FANCC: variants seen among roughly 807,000 people sequenced by gnomAD.
The protein encoded by FANCC is Fanconi anemia group C protein.
In FANCC, 55 loss-of-function variants were observed where a neutral mutation model predicts 71.3. That is an observed-to-expected ratio of 0.77 (90% confidence interval 0.62 to 0.97). The LOEUF is 0.97. Ranked by LOEUF, FANCC falls within the 50% of genes least tolerant of loss-of-function variation. FANCC has a pLI of 0.00. For synonymous variants in FANCC, 275 were observed against 244.9 expected (o/e 1.12, Z -1.15); for missense variants, 678 against 670.9 (o/e 1.01, Z -0.12).
At chr9:95,266,117 A>T (rs1351081639) in intron 1 of FANCC, among the ~76,000 whole-genome samples, 1 of 152,188 alleles carries the variant, frequency 6.6e-6, no homozygotes, top group East Asian at 1.9e-4. Context: ...TTACCATTTG[A>T]CCCATGGTTC....
At chr9:95,181,322 G>T (rs1342101572) in intron 4 of FANCC, among the ~76,000 whole-genome samples, 1 of 152,120 alleles carries the variant, frequency 6.6e-6, no homozygotes, top group Non-Finnish European at 1.5e-5. Flanking sequence ...ACAGAGGCCA[G>T]TATATGGTTA....
At chr9:95,219,381 G>GT (rs1829087371) in intron 4 of FANCC, among the ~76,000 whole-genome samples, 1 of 152,296 alleles carries the variant, frequency 6.6e-6, no homozygotes, top group East Asian at 1.9e-4. Flanking sequence ...CCAAAAAAGT[G>GT]TAAGACCTTA....
intron 4 of FANCC, among the ~76,000 whole-genome samples, chr9:95,189,062 G>A (rs1209795969): frequency 1.3e-5 from 2 of 151,932 alleles, no homozygotes; most frequent in Non-Finnish European, 2.9e-5. Flanking sequence ...AATTAAATAC[G>A]CCAATTGCTC....
At chr9:95,150,286 T>C (rs1830106312) in intron 6 of FANCC, among the ~76,000 whole-genome samples, 199 bp from the exon 7 acceptor site, 1 of 152,226 alleles carries the variant, frequency 6.6e-6, no homozygotes, top group African/African-American at 2.4e-5. Flanking sequence ...ACCATTGCTG[T>C]TTCAGTGTCA....
intron 1 of FANCC, among the ~76,000 whole-genome samples, chr9:95,271,488 AGGAATGCCATGCT>A (rs1277551190): frequency 6.6e-6 from 1 of 152,184 alleles, no homozygotes; most frequent in Non-Finnish European, 1.5e-5. Flanking sequence ...CCACAAGCCC[AGGAATGCCATGCT>A]GGCCGCCAGA....
intron 10 of FANCC, among the ~76,000 whole-genome samples, chr9:95,121,297 T>C (rs1156842382): frequency 6.6e-6 from 1 of 152,134 alleles, no homozygotes; most frequent in Non-Finnish European, 1.5e-5. Context: ...GGCATATTGA[T>C]GGAGCTGACT....
chr9:95,125,252 T>C (rs1825799798), intron 9 of FANCC, 67 bp from the exon 10 acceptor site: 3 of 1,278,928 alleles, frequency 2.3e-6, no homozygotes, highest in Non-Finnish European at 3.4e-6. Flanking sequence ...AAACCTGCAC[T>C]GTATAAGGGA....
chr9:95,153,284 T>C (rs966494146), intron 6 of FANCC, among the ~76,000 whole-genome samples: 3 of 152,240 alleles, frequency 2.0e-5, no homozygotes, highest in African/African-American at 7.2e-5. Context: ...ATCTTTGCAA[T>C]TGTTAACTGT....
intron 5 of FANCC, among the ~76,000 whole-genome samples, chr9:95,171,670 G>T (rs1348781273): frequency 6.6e-6 from 1 of 152,078 alleles, no homozygotes; most frequent in East Asian, 1.9e-4. Flanking sequence ...TTTCTGTTTT[G>T]CTTTAACAGA....
chr9:95,227,932 T>A (rs1338400601), intron 4 of FANCC, among the ~76,000 whole-genome samples: 1 of 152,236 alleles, frequency 6.6e-6, no homozygotes, highest in African/African-American at 2.4e-5. Context: ...TTGTTCTTCA[T>A]GTTGCAAACT....
In FANCC at chr9:95,249,322, C is replaced by A; in HGVS notation, c.-31G>T. On this transcript the variant is annotated 5_prime_UTR_variant, in exon 2 of 15. An upstream open reading frame in the 5' UTR gains an earlier in-frame stop. Coordinates refer to ENST00000289081, the MANE Select transcript of FANCC (RefSeq NM_000136.3). ...AAAAAGCGAAAAGGTGATGTCCCTT[C>A]ACAGCAGCCTGTCCAGCACTGAAGG... 3 of 1,609,592 alleles carry A rather than the reference C, an allele frequency of 1.9e-6. No individual in the cohort carries two copies. The highest frequency in any genetic ancestry group is 2.5e-6 in the Non-Finnish European group (3 of 1,176,540).
intron 4 of FANCC, among the ~76,000 whole-genome samples, chr9:95,189,540 T>G (rs1166916640): frequency 6.6e-6 from 1 of 151,770 alleles, no homozygotes; most frequent in Non-Finnish European, 1.5e-5. Context: ...GGGGGGGAAA[T>G]AGAGTAGGCT....
intron 1 of FANCC, among the ~76,000 whole-genome samples, chr9:95,270,973 C>G (rs1179647301): frequency 6.6e-6 from 1 of 152,158 alleles, no homozygotes; most frequent in Non-Finnish European, 1.5e-5. Flanking sequence ...CCCTTCTTAA[C>G]GAGACTGGAA....
At position 95,294,148 on chromosome 9, in the gene FANCC, G is replaced by A. The variant is rs1462887541; in HGVS notation, c.-79+23378C>T. 2.5e-6 allele frequency: 4 copies of A among 1,605,012 alleles called. No individual in the cohort carries two copies. In the African/African-American group the frequency reaches 4.0e-5, roughly 16 times the overall value. ...AAACATCTTGTCAAGTAATCTGCCT[G>A]CTCAGACATTGGATCATCATAGTCT... On this transcript the variant is annotated intron_variant, in intron 1 of 14. Transcript: ENST00000289081.
chr9:95,117,494 C>G, intron 10 of FANCC, 104 bp from the exon 11 acceptor site: 2 of 819,568 alleles, frequency 2.4e-6, no homozygotes, highest in East Asian at 5.3e-5. Context: ...CCCACCAGTA[C>G]TAACATGGTC....
chr9:95,159,149 A>AT (rs1208278064), intron 6 of FANCC, among the ~76,000 whole-genome samples: 1 of 151,886 alleles, frequency 6.6e-6, no homozygotes, highest in Non-Finnish European at 1.5e-5. Flanking sequence ...CATCATTTAC[A>AT]TTGGGTATTT....
In FANCC at chr9:95,101,746, C is replaced by T. The variant is rs1429537932; in HGVS notation, c.1638G>A (p.Leu546=). 1.2e-6 allele frequency: 2 copies of T among 1,614,014 alleles called. No homozygotes were observed. Among genetic ancestry groups the T allele is most frequent in the South Asian group, 2.2e-5 (2 of 91,084 alleles). Residue 546 remains leucine, a synonymous_variant, in exon 15 of 15, where the codon CTG becomes CTA. Transcript: ENST00000289081. ...GCAGCTCTTTAAGGAGCTCTCGGGC[C>T]AGTTTTTCTGATCTAGGGCTTTCAA... ...LGIESPRSEK[L]ARELLKELRT...
intron 4 of FANCC, among the ~76,000 whole-genome samples, chr9:95,212,578 T>G (rs1265601513): frequency 3.9e-5 from 6 of 151,938 alleles, no homozygotes; most frequent in Admixed American, 1.3e-4. Flanking sequence ...GCAGCAGACA[T>G]GCACTCCAAG....
intron 1 of FANCC, among the ~76,000 whole-genome samples, chr9:95,295,874 A>G (rs998629847): frequency 6.6e-6 from 1 of 152,152 alleles, no homozygotes; most frequent in African/African-American, 2.4e-5. Context: ...CTAAAAGAGA[A>G]GTAAATTTTG....
Sources: allele counts gnomAD v4.1 joint callset (sites outside exome capture counted in the v4.1 genomes callset), GRCh38; gene constraint gnomAD v4.1.1; transcripts MANE v1.5; gene names NCBI Gene and HGNC (gene_info 2026-07-23, HGNC 2026-07-21).